ELAVL3: variants seen among roughly 807,000 people sequenced by gnomAD.
The protein encoded by ELAVL3 is ELAV like RNA binding protein 3.
Under a neutral mutation model 34.2 loss-of-function variants are expected in ELAVL3, and 8 were observed. That is an observed-to-expected ratio of 0.23 (90% CI 0.14 to 0.42). The LOEUF is 0.42. Ranked by LOEUF, ELAVL3 falls within the 10% of genes least tolerant of loss-of-function variation. The pLI is 1.00. For synonymous variants in ELAVL3, 209 were observed against 222.1 expected (o/e 0.94, Z 0.53); for missense variants, 273 against 518.8 (o/e 0.53, Z 4.60).
At chr19:11,464,133 C>CTGTCTT (rs1555732410) in intron 3 of ELAVL3, among the ~76,000 whole-genome samples, 2 of 100,350 alleles carry the variant, frequency 2.0e-5, no homozygotes, top group African/African-American at 1.3e-4. Flanking sequence ...GTCTCTCTCT[C>CTGTCTT]TCTCTCTCTC....
In ELAVL3 at chr19:11,480,650, C is replaced by T. The variant is rs1041071483; in HGVS notation, c.-42G>A. 42 of 1,413,348 alleles carry T rather than the reference C, an allele frequency of 3.0e-5. No homozygotes were observed. Among genetic ancestry groups the T allele is most frequent in the Non-Finnish European group, 3.8e-5 (41 of 1,076,470 alleles). 87.6% of individuals were successfully genotyped at this position (1,413,348 alleles called of 1,614,324 possible). A position where few individuals can be genotyped will look rare whatever the true frequency, so the allele number is the denominator to read the frequency against. ...GGCGCGGTCCGTGTTGAGGGGGGCT[C>T]CGGGGGTGGTGCACTCCTAGGGGGG... On this transcript the variant is annotated 5_prime_UTR_variant, in exon 1 of 7. Coordinates refer to ENST00000359227, the MANE Select transcript of ELAVL3 (RefSeq NM_001420.4). This position sits in a 1 kb window ranked among gnomAD's most constrained non-coding sequence, Gnocchi z 6.8.
intron 1 of ELAVL3, among the ~76,000 whole-genome samples, chr19:11,477,342 A>G (rs2144915841): frequency 6.6e-6 from 1 of 152,118 alleles, no homozygotes; most frequent in Admixed American, 6.6e-5. Context: ...CCCAGTCTAG[A>G]GTGTAGTGGT....
At chr19:11,457,337 C>T (rs1325256312) in intron 5 of ELAVL3, among the ~76,000 whole-genome samples, 189 bp from the exon 6 acceptor site, 3 of 152,136 alleles carry the variant, frequency 2.0e-5, no homozygotes, top group African/African-American at 7.2e-5. Flanking sequence ...CACCGCCTCT[C>T]GCCTGCCCCA....
In ELAVL3 at chr19:11,480,794, C is replaced by A. The variant is rs1053653444; in HGVS notation, c.-186G>T. On this transcript the variant is annotated 5_prime_UTR_variant, in exon 1 of 7. Coordinates refer to ENST00000359227, the MANE Select transcript of ELAVL3 (RefSeq NM_001420.4). This position sits in a 1 kb window ranked among gnomAD's most constrained non-coding sequence, Gnocchi z 6.8. The stretch of plus-strand genomic sequence containing the variant: ...GGACGGGCCCGAACCCGGGGATGCG[C>A]GCGCGGATGGCCGGGCCCCGGGGTG... 151 of 462,498 alleles carry A rather than the reference C, an allele frequency of 3.3e-4. No individual in the cohort carries two copies. Among genetic ancestry groups the A allele is most frequent in the Admixed American group, 5.8e-4 (13 of 22,454 alleles). The allele number at this position is 462,498 out of a possible 1,614,324, so 28.6% of individuals were successfully genotyped here. A position where few individuals can be genotyped will look rare whatever the true frequency, so the allele number is the denominator to read the frequency against.
At chr19:11,469,454 A>T (rs1000583738) in intron 1 of ELAVL3, among the ~76,000 whole-genome samples, 17 of 151,720 alleles carry the variant, frequency 1.1e-4, no homozygotes, top group Non-Finnish European at 2.5e-4. Flanking sequence ...CTAATTTTGT[A>T]TTTTTAGTAG....
Position 11,466,912 on chromosome 19 carries a change from A to G in ELAVL3, c.10-85T>C. The G allele has an allele frequency of 8.4e-7, 1 of 1,190,718 alleles. No homozygotes were observed. 73.8% of individuals were successfully genotyped at this position (1,190,718 alleles called of 1,614,324 possible). On this transcript the variant is annotated intron_variant, in intron 1 of 6. Transcript: ENST00000359227. The surrounding 1 kb of genome is among the most constrained non-coding windows in gnomAD (Gnocchi z 5.0). ...ATGAGTGGCTTGGTGGTGATGAATTAGCCATGTCTTATAGGGGCTTCGTCA... is the reference window on the plus strand; with the variant it reads ...ATGAGTGGCTTGGTGGTGATGAATTGGCCATGTCTTATAGGGGCTTCGTCA...
chr19:11,465,904 T>C (rs997113735), intron 3 of ELAVL3, among the ~76,000 whole-genome samples: 3 of 152,118 alleles, frequency 2.0e-5, no homozygotes, highest in Non-Finnish European at 4.4e-5. Flanking sequence ...CACTCTGCCT[T>C]ACAGGGCCTG....
intron 1 of ELAVL3, among the ~76,000 whole-genome samples, chr19:11,474,709 A>G (rs1014279140): frequency 9.9e-5 from 15 of 152,152 alleles, no homozygotes; most frequent in African/African-American, 3.6e-4. Flanking sequence ...TATTATTCAC[A>G]GGTGCAATCG....
rs945202631 is a variant in ELAVL3, at chr19:11,480,436, G to A, written c.9+164C>T. On this transcript the variant is annotated intron_variant, in intron 1 of 6. Transcript: ENST00000359227. The surrounding 1 kb of genome is among the most constrained non-coding windows in gnomAD (Gnocchi z 6.8). The stretch of plus-strand genomic sequence containing the variant: ...TCTAAGCGCCCTCAGCACTCTGGGC[G>A]CGGCCCTGCCCACTCTCAGGCCCCG... Among the ~76,000 whole-genome samples, 1 of 151,958 alleles carries A rather than the reference G, an allele frequency of 6.6e-6. No homozygotes were observed. The highest frequency in any genetic ancestry group is 2.4e-5 in the African/African-American group (1 of 41,390).
intron 3 of ELAVL3, among the ~76,000 whole-genome samples, chr19:11,464,164 TATA>T (rs1568382029): frequency 5.3e-5 from 6 of 112,560 alleles, no homozygotes; most frequent in African/African-American, 1.4e-4. Flanking sequence ...TATATATATA[TATA>T]TTTTTTTTTT....
At chr19:11,467,528 G>C (rs1162240034) in intron 1 of ELAVL3, among the ~76,000 whole-genome samples, 3 of 151,988 alleles carry the variant, frequency 2.0e-5, no homozygotes, top group Non-Finnish European at 4.4e-5. Flanking sequence ...CTGTCACCCA[G>C]ACTGGAGTGC....
Position 11,480,510 on chromosome 19 carries a change from C to A in ELAVL3, c.9+90G>T. 3 of 1,099,376 alleles carry A rather than the reference C, an allele frequency of 2.7e-6. No homozygotes were observed. The highest frequency in any genetic ancestry group is 3.6e-6 in the Non-Finnish European group (3 of 827,814). The allele number at this position is 1,099,376 out of a possible 1,614,324, so 68.1% of individuals were successfully genotyped here. On this transcript the variant is annotated intron_variant, in intron 1 of 6. Transcript: ENST00000359227. This position sits in a 1 kb window ranked among gnomAD's most constrained non-coding sequence, Gnocchi z 6.8. ...CCGGGCCTAGCTAGGCCTGGTCCTA[C>A]CCCCCCCGCCGCACCCGCCCAATCT...
At chr19:11,455,670 C>T (rs1970753921) in intron 6 of ELAVL3, among the ~76,000 whole-genome samples, 1 of 152,086 alleles carries the variant, frequency 6.6e-6, no homozygotes, top group Admixed American at 6.6e-5. Context: ...TGGGCTCAAG[C>T]AATCCTACCA....
intron 3 of ELAVL3, among the ~76,000 whole-genome samples, chr19:11,460,414 C>T (rs1158382909): frequency 6.6e-6 from 1 of 151,162 alleles, no homozygotes; most frequent in East Asian, 1.9e-4. Context: ...CAGGTCGCAT[C>T]CCCCCTCTGC....
In ELAVL3 at chr19:11,454,972, TG is replaced by T. The variant is rs1326491046; in HGVS notation, c.753-96del. ...ACCTTTATGACCCCTGACTGTGCCA[TG>T]ACCTTGGAATGGTGTGACCCCTGCA... On this transcript the variant is annotated intron_variant, in intron 6 of 6. Transcript: ENST00000359227. The surrounding 1 kb of genome is among the most constrained non-coding windows in gnomAD (Gnocchi z 9.2). 1 of 1,386,188 alleles carries T rather than the reference TG, an allele frequency of 7.2e-7. No homozygotes were observed. The highest frequency in any genetic ancestry group is 1.4e-5 in the African/African-American group (1 of 69,466). 85.9% of individuals were successfully genotyped at this position (1,386,188 alleles called of 1,614,324 possible).
At chr19:11,470,869 A>G (rs907080880) in intron 1 of ELAVL3, among the ~76,000 whole-genome samples, 1 of 152,088 alleles carries the variant, frequency 6.6e-6, no homozygotes, top group African/African-American at 2.4e-5. Context: ...TTTTAGAGAC[A>G]GGATCTTGCT....
At chr19:11,463,905 G>A (rs906015242) in intron 3 of ELAVL3, among the ~76,000 whole-genome samples, 2 of 151,478 alleles carry the variant, frequency 1.3e-5, no homozygotes, top group Non-Finnish European at 2.9e-5. Context: ...GGAGGCGGAG[G>A]TTGCAGTGGG....
At chr19:11,463,686 C>T (rs1438543868) in intron 3 of ELAVL3, among the ~76,000 whole-genome samples, 1 of 152,014 alleles carries the variant, frequency 6.6e-6, no homozygotes, top group East Asian at 1.9e-4. Context: ...AGCACGTCAT[C>T]CTGGGCCGGG....
At position 11,454,449 on chromosome 19, in the gene ELAVL3, TTCTCTCTC is replaced by T. The variant is rs925424662; in HGVS notation, c.*69_*76del. On this transcript the variant is annotated 3_prime_UTR_variant, in exon 7 of 7. Transcript: ENST00000359227. This position sits in a 1 kb window ranked among gnomAD's most constrained non-coding sequence, Gnocchi z 9.2. ...GCCTGTGCTGTCTCTCTTGGGCCCC[TTCTCTCTC>T]TCTCTCTCTCTTTCTCTCTCTCTCT... 1.1e-5 allele frequency: 12 copies of T among 1,054,292 alleles called. No individual in the cohort carries two copies. In the African/African-American group the frequency reaches 1.5e-4, roughly 13 times the overall value. The allele number at this position is 1,054,292 out of a possible 1,614,324, so 65.3% of individuals were successfully genotyped here. A position where few individuals can be genotyped will look rare whatever the true frequency, so the allele number is the denominator to read the frequency against.
Sources: gnomAD v4.1 joint callset for allele counts (sites outside exome capture counted in the v4.1 genomes callset) on GRCh38, gnomAD v4.1.1 for gene constraint, Gnocchi (gnomAD v3.1) non-coding constraint, MANE v1.5 for transcripts, NCBI Gene and HGNC (gene_info 2026-07-23, HGNC 2026-07-21) for gene names.